SCNN1A: variants seen among roughly 807,000 people sequenced by gnomAD.
SCNN1A encodes the protein sodium channel epithelial 1 subunit alpha, also known as epithelial sodium channel subunit alpha.
A neutral mutation model predicts 68.6 loss-of-function variants in SCNN1A; 65 were observed. The ratio of observed to expected loss-of-function variants is 0.95; its 90% CI spans 0.78 to 1.16. SCNN1A has a LOEUF of 1.16. SCNN1A is among the 50% of genes most tolerant of loss of function. The pLI, the probability that SCNN1A is intolerant of heterozygous loss-of-function variation, is 0.00. For synonymous variants in SCNN1A, 357 were observed against 353.3 expected (o/e 1.01, Z -0.12); for missense variants, 880 against 865.9 (o/e 1.02, Z -0.20).
chr12:6,349,968 T>C (rs1037964733), intron 8 of SCNN1A: 29 of 190,900 alleles, frequency 1.5e-4, no homozygotes, highest in African/African-American at 5.0e-4. Context: ...CCTCGTGATC[T>C]GCCCGCCTCG....
At chr12:6,350,007 T>G (rs1425195878) in intron 8 of SCNN1A, 1 of 192,722 alleles carries the variant, frequency 5.2e-6, no homozygotes, top group Non-Finnish European at 1.1e-5. Flanking sequence ...ATTACAGGTG[T>G]GAGCGACCGC....
At chr12:6,363,397 G>T (rs1047974486) in intron 3 of SCNN1A, 46 bp downstream of exon 3, 2 of 1,472,418 alleles carry the variant, frequency 1.4e-6, no homozygotes, top group South Asian at 2.8e-5. Context: ...GCGGGGCCAG[G>T]GGCCGGCGAG....
intron 2 of SCNN1A, among the ~76,000 whole-genome samples, chr12:6,365,731 T>A (rs1444541242): frequency 2.6e-5 from 4 of 152,218 alleles, no homozygotes; most frequent in African/African-American, 9.6e-5. Flanking sequence ...AAACATGAAA[T>A]TCAGAACCAT....
chr12:6,372,494 C>G lies in SCNN1A; in HGVS notation c.416+1874G>C, dbSNP rs193265169. On this transcript the variant is annotated intron_variant, in intron 2 of 12. Coordinates refer to ENST00000228916, the MANE Select transcript of SCNN1A (RefSeq NM_001038.6). The surrounding 1 kb of genome is among the most constrained non-coding windows in gnomAD (Gnocchi z 5.8). ...TTCTGGGCAGATGGCTGCCTCCCAG[C>G]CTGCAGGCCCCAGAGGCAGGGCTTA... is the stretch of plus-strand genomic sequence containing the variant. 2.8e-3 allele frequency among the ~76,000 whole-genome samples: 433 copies of G among 152,360 alleles called. 2 individuals carry two copies. The highest frequency in any genetic ancestry group is 5.1e-3 in the Non-Finnish European group (347 of 68,032).
Position 6,363,442 on chromosome 12 carries a change from C to T in SCNN1A, c.684+1G>A. On this transcript the variant is annotated splice_donor_variant, in intron 3 of 12. Transcript: ENST00000228916. LOFTEE classifies it high-confidence loss of function. ...GGGCCCCTCGGCGCTGCGGGCCTCA[C>T]CAGCTGGAAGCCGATCTTCCAGTCC... The T allele has an allele frequency of 6.4e-7, 1 of 1,571,756 alleles. No individual in the cohort carries two copies. The highest frequency in any genetic ancestry group is 1.2e-5 in the South Asian group (1 of 85,570).
chr12:6,349,375 A>G lies in SCNN1A; in HGVS notation c.1391T>C (p.Phe464Ser). The G allele has an allele frequency of 6.2e-7, 1 of 1,607,634 alleles. No homozygotes were observed. Among genetic ancestry groups the G allele is most frequent in the South Asian group, 1.1e-5 (1 of 90,208 alleles). The change falls in exon 9 of 13, where the codon TTC becomes TCC. Residue 464 changes from phenylalanine to serine, a missense_variant. Physicochemically the swap from Phe to Ser is radical, Grantham distance 155 (BLOSUM62 -2). This residue lies in a region of SCNN1A where 758 missense variants were observed against 721.8 expected (regional missense o/e 1.05). Transcript: ENST00000228916. ...GAAACAGCCCAGGTGGTCTGAGGAG[A>G]AGTCAACCTGGAGCTTATAGTAGCA... is the stretch of plus-strand genomic sequence containing the variant. ...GYCYYKLQVD[F>S]SSDHLGCFTK...
At chr12:6,352,408 C>G (rs1037146240) in intron 8 of SCNN1A, among the ~76,000 whole-genome samples, 4 of 152,186 alleles carry the variant, frequency 2.6e-5, no homozygotes, top group Non-Finnish European at 5.9e-5. Context: ...GAAGGGGAAG[C>G]AGCTGGCCCT....
At chr12:6,365,486 G>A (rs777090480) in intron 2 of SCNN1A, among the ~76,000 whole-genome samples, 5 of 152,130 alleles carry the variant, frequency 3.3e-5, no homozygotes, top group Non-Finnish European at 7.4e-5. Flanking sequence ...AAAACAATGC[G>A]GTTCTTGGTA....
At chr12:6,376,554 CAG>C (rs1284460644), upstream of SCNN1A, among the ~76,000 whole-genome samples, 2 of 152,256 alleles carry the variant, frequency 1.3e-5, no homozygotes, top group African/African-American at 4.8e-5. Flanking sequence ...CACGCCTAGA[CAG>C]GCCCTGGGAG....
At chr12:6,361,152 C>T (rs1446992329) in intron 4 of SCNN1A, among the ~76,000 whole-genome samples, 2 of 152,196 alleles carry the variant, frequency 1.3e-5, no homozygotes, top group African/African-American at 2.4e-5. Context: ...CAGTGACTGG[C>T]ACATAGCCCA....
intron 8 of SCNN1A, 182 bp downstream of exon 8, chr12:6,354,256 G>C: frequency 1.5e-6 from 1 of 646,402 alleles, no homozygotes; most frequent in Non-Finnish European, 2.8e-6. Flanking sequence ...AAGAGAGAGA[G>C]ACTGAGGGAG....
At chr12:6,363,739 C>A (rs56272006) in intron 2 of SCNN1A, 29 bp from the exon 3 acceptor site, 110 of 1,573,086 alleles carry the variant, frequency 7.0e-5, no homozygotes, top group Admixed American at 8.8e-5. Flanking sequence ...GAGGGTCAGG[C>A]CAGGGGCCCT....
At chr12:6,375,817 G>A (rs1180942059), upstream of SCNN1A, 14 of 1,362,486 alleles carry the variant, frequency 1.0e-5, no homozygotes, top group Admixed American at 3.1e-4. Context: ...AGCTAGGAGG[G>A]CAACACAAGG....
intron 8 of SCNN1A, among the ~76,000 whole-genome samples, chr12:6,350,774 T>C (rs1489560660): frequency 1.3e-5 from 2 of 151,856 alleles, no homozygotes; most frequent in Admixed American, 1.3e-4. Context: ...GAGGTGGAGG[T>C]TGTAGTTTGC....
Position 6,355,321 on chromosome 12 carries a change from C to T in SCNN1A, c.1094G>A (p.Gly365Asp). 1 of 1,613,856 alleles carries T rather than the reference C, an allele frequency of 6.2e-7. No homozygotes were observed. Among genetic ancestry groups the T allele is most frequent in the Admixed American group, 1.7e-5 (1 of 59,964 alleles). Residue 365 changes from glycine to aspartate, a missense_variant, in exon 6 of 13, where the codon GGT becomes GAT. Physicochemically the swap from Gly to Asp is moderately conservative, Grantham distance 94 (BLOSUM62 -1). Transcript: ENST00000228916. Reference sequence around the variant, plus strand: ...CACGCCAGGCCGCAAGTTAAAGCCACCATCATCCATAAAGGCAGGTTCATC... The same window carrying T: ...CACGCCAGGCCGCAAGTTAAAGCCATCATCATCCATAAAGGCAGGTTCATC... ...GQDEPAFMDD[G>D]GFNLRPGVET...
chr12:6,347,984 G>T lies in SCNN1A; in HGVS notation c.1899C>A (p.Pro633=). The T allele has an allele frequency of 6.4e-7, 1 of 1,571,746 alleles. No individual in the cohort carries two copies. The highest frequency in any genetic ancestry group is 2.3e-5 in the East Asian group (1 of 42,866). The change falls in exon 13 of 13, where the codon CCC becomes CCA. Residue 633 remains proline, a synonymous_variant. Coordinates refer to ENST00000228916, the MANE Select transcript of SCNN1A (RefSeq NM_001038.6). The stretch of plus-strand genomic sequence containing the variant: ...GGGGAGGGGCTGTCAAGGCTGGAGA[G>T]GGAGCAGGGCCTGGCTGGGACAAGG... ...SLSLSQPGPA[P]SPALTAPPPA...
chr12:6,375,325 G>A (rs1412830222), intron 1 of SCNN1A, 180 bp downstream of exon 1: 4 of 1,438,760 alleles, frequency 2.8e-6, no homozygotes, highest in Non-Finnish European at 1.8e-6. Context: ...CTCACTCTAG[G>A]CCCTCAGCTC....
At chr12:6,356,107 A>G (rs535806494) in intron 4 of SCNN1A, 1 of 589,022 alleles carries the variant, frequency 1.7e-6, no homozygotes, top group South Asian at 1.9e-5. Context: ...TCATCCTCAT[A>G]TCACAGAGGA....
In SCNN1A at chr12:6,372,971, A is replaced by G. The variant is rs927319551; in HGVS notation, c.416+1397T>C. On this transcript the variant is annotated intron_variant, in intron 2 of 12. Transcript: ENST00000228916. This position sits in a 1 kb window ranked among gnomAD's most constrained non-coding sequence, Gnocchi z 5.8. ...GCCTCTCTTTGCCTTAGTTTCCTCAAGTGTAAAATAGGGATAACAATAGCA... is the reference window on the plus strand; with the variant it reads ...GCCTCTCTTTGCCTTAGTTTCCTCAGGTGTAAAATAGGGATAACAATAGCA... Among the ~76,000 whole-genome samples the G allele has an allele frequency of 1.3e-5, 2 of 152,164 alleles. No individual in the cohort carries two copies. The highest frequency in any genetic ancestry group is 1.3e-4 in the Admixed American group (2 of 15,276).
Sources: allele counts gnomAD v4.1 joint callset (sites outside exome capture counted in the v4.1 genomes callset), GRCh38; gene constraint gnomAD v4.1.1; regional missense constraint gnomAD v4.1.1; non-coding constraint Gnocchi (gnomAD v3.1); transcripts MANE v1.5; gene names NCBI Gene and HGNC (gene_info 2026-07-23, HGNC 2026-07-21).